ARMC3: variants seen among roughly 807,000 people sequenced by gnomAD.
The protein encoded by ARMC3 is armadillo repeat-containing protein 3.
Under a neutral mutation model 90.3 loss-of-function variants are expected in ARMC3, and 74 were observed. That is an observed-to-expected ratio of 0.82 (90% CI 0.68 to 0.99). The LOEUF is 0.99. Ranked by LOEUF, ARMC3 falls within the 50% of genes least tolerant of loss-of-function variation. ARMC3 has a pLI of 0.00. For synonymous variants in ARMC3, 334 were observed against 361.8 expected, an observed-to-expected ratio of 0.92 and a Z score of 0.87; for missense variants, 958 against 1,042.8, an observed-to-expected ratio of 0.92 and a Z score of 1.12.
intron 7 of ARMC3, among the ~76,000 whole-genome samples, chr10:22,963,914 CACACACACAAAAAAAAAAAA>C (rs1368688223): frequency 1.8e-3 from 55 of 30,708 alleles, no homozygotes; most frequent in African/African-American, 6.6e-3. Context: ...CACACACACA[CACACACACAAAAAAAAAAAA>C]AAAAAAAAAA....
At position 22,955,825 on chromosome 10, in the gene ARMC3, C is replaced by A. The variant is rs1246542870; in HGVS notation, c.185C>A (p.Thr62Asn). The A allele has an allele frequency of 1.2e-6, 2 of 1,613,740 alleles. No individual in the cohort carries two copies. Among genetic ancestry groups the A allele is most frequent in the South Asian group, 2.2e-5 (2 of 91,044 alleles). The change falls in exon 4 of 19, where the codon ACC (threonine) becomes AAC (asparagine). Residue 62 changes from threonine to asparagine, a missense_variant. Thr to Asn is a moderately conservative substitution (Grantham distance 65, BLOSUM62 0). Transcript: ENST00000298032. ...ATGTCAGGTGAGGAAAATAAAACAA[C>A]CCTCCTTGAACTTGGAGCTGTGGAA... Reference protein sequence around the residue: ...FALKGEENKTTLLELGAVEPL... With the variant: ...FALKGEENKTNLLELGAVEPL...
chr10:22,954,674 GAA>G (rs530210965), intron 3 of ARMC3, among the ~76,000 whole-genome samples: 5 of 89,048 alleles, frequency 5.6e-5, no homozygotes, highest in South Asian at 3.2e-4. Context: ...CCTGTCTCAA[GAA>G]AAAAAAAAAA....
intron 16 of ARMC3, among the ~76,000 whole-genome samples, chr10:23,020,139 GT>G (rs979275698): frequency 7.4e-6 from 1 of 134,262 alleles, no homozygotes; most frequent in East Asian, 1.9e-4. Context: ...GTTTTGTTTT[GT>G]TTTTTTGAGG....
intron 7 of ARMC3, among the ~76,000 whole-genome samples, chr10:22,966,484 C>T (rs1033925658): frequency 2.6e-5 from 4 of 152,144 alleles, no homozygotes; most frequent in African/African-American, 4.8e-5. Context: ...TAGTAGTCAG[C>T]CAGAGGTCTG....
chr10:23,033,293 G>A (rs1234791643), intron 18 of ARMC3, among the ~76,000 whole-genome samples: 2 of 151,944 alleles, frequency 1.3e-5, no homozygotes, highest in Non-Finnish European at 2.9e-5. Context: ...CACCTACTAT[G>A]GCGAGGGCCT....
chr10:22,968,168 C>A lies in ARMC3; in HGVS notation c.733-138C>A, dbSNP rs914682783. 5 of 699,508 alleles carry A rather than the reference C, an allele frequency of 7.1e-6. No individual in the cohort carries two copies. The Admixed American group carries it at 1.1e-4, about 15-fold the overall frequency. The allele number at this position is 699,508 out of a possible 1,614,324, so 43.3% of individuals were successfully genotyped here. On this transcript the variant is annotated intron_variant, in intron 7 of 18. Coordinates refer to ENST00000298032, the MANE Select transcript of ARMC3 (RefSeq NM_173081.5). Reference sequence around the variant, plus strand: ...AGTGATGTTACTTTGATAAGCAGAACTCCTATTCCCTGGGGCCTCTGTCAC... The same window carrying A: ...AGTGATGTTACTTTGATAAGCAGAAATCCTATTCCCTGGGGCCTCTGTCAC...
intron 10 of ARMC3, among the ~76,000 whole-genome samples, chr10:22,992,320 C>T (rs1417672001): frequency 6.6e-6 from 1 of 152,058 alleles, no homozygotes; most frequent in Admixed American, 6.5e-5. Flanking sequence ...AATGTCACCG[C>T]GGCTGCAACA....
rs956841784 is a variant in ARMC3, at chr10:23,002,059, A to C, written c.1562+4A>C. On this transcript the variant is annotated splice_donor_region_variant and intron_variant, in intron 12 of 18. Coordinates refer to ENST00000298032, the MANE Select transcript of ARMC3 (RefSeq NM_173081.5). Reference sequence around the variant, plus strand: ...CCAATGAATTATGCAGGCTCGGGTGAGTGGATGCCATCTCAAGTTTCTGGC... The same window carrying C: ...CCAATGAATTATGCAGGCTCGGGTGCGTGGATGCCATCTCAAGTTTCTGGC... The C allele has an allele frequency of 1.9e-6, 3 of 1,612,534 alleles. No homozygotes were observed. In the African/African-American group the frequency reaches 4.0e-5, roughly 22 times the overall value.
At chr10:22,992,495 T>C (rs1322501781) in intron 10 of ARMC3, among the ~76,000 whole-genome samples, 1 of 152,204 alleles carries the variant, frequency 6.6e-6, no homozygotes, top group Non-Finnish European at 1.5e-5. Flanking sequence ...TTTACTTTAA[T>C]TATGTTAATT....
chr10:23,031,318 A>G (rs556002936), intron 17 of ARMC3: 1 of 155,260 alleles, frequency 6.4e-6, no homozygotes, highest in East Asian at 1.9e-4. Context: ...TAAGCCAGTG[A>G]AGTCGTCTTC....
At chr10:22,998,690 C>T (rs552582471) in intron 11 of ARMC3, among the ~76,000 whole-genome samples, 127 of 152,198 alleles carry the variant, frequency 8.3e-4, no homozygotes, top group Non-Finnish European at 1.5e-3. Context: ...ATATCTAAAA[C>T]AAACAAATTG....
intron 2 of ARMC3, among the ~76,000 whole-genome samples, chr10:22,945,097 G>C (rs970937053): frequency 6.6e-6 from 1 of 152,154 alleles, no homozygotes; most frequent in African/African-American, 2.4e-5. Flanking sequence ...TATCCTGGCT[G>C]TGTCCTTTCA....
At chr10:22,949,994 A>G (rs534558381) in intron 3 of ARMC3, among the ~76,000 whole-genome samples, 1 of 152,158 alleles carries the variant, frequency 6.6e-6, no homozygotes, top group Non-Finnish European at 1.5e-5. Context: ...TTAAAAGAAT[A>G]AAAGAAAAAT....
intron 7 of ARMC3, among the ~76,000 whole-genome samples, chr10:22,964,633 G>T (rs1432850866): frequency 1.3e-5 from 2 of 151,486 alleles, no homozygotes; most frequent in African/African-American, 4.8e-5. Context: ...GGGGGGAGGG[G>T]TTTCACCATG....
At chr10:23,001,785 C>A in intron 11 of ARMC3, 134 bp from the exon 12 acceptor site, 2 of 1,135,918 alleles carry the variant, frequency 1.8e-6, no homozygotes, top group Non-Finnish European at 1.2e-6. Context: ...TTTAATAAAC[C>A]TAAAGATAGA....
chr10:22,937,586 T>C lies in ARMC3; in HGVS notation c.48+5542T>C, dbSNP rs548229335. Among the ~76,000 whole-genome samples the C allele has an allele frequency of 9.9e-5, 15 of 152,184 alleles. No individual in the cohort carries two copies. The East Asian group carries it at 2.7e-3, about 27-fold the overall frequency. On this transcript the variant is annotated intron_variant, in intron 2 of 18. Coordinates refer to ENST00000298032, the MANE Select transcript of ARMC3 (RefSeq NM_173081.5). ...GGGCAATCAAGGAACCTTATGAAGG[T>C]AGGTTGGGATCTGTGGAAACTCCTC...
intron 16 of ARMC3, among the ~76,000 whole-genome samples, chr10:23,027,521 G>GT (rs887140518): frequency 7.9e-5 from 12 of 152,210 alleles, no homozygotes; most frequent in African/African-American, 2.6e-4. Context: ...ATTTATAGTA[G>GT]TTTTTTTGGA....
In ARMC3 at chr10:22,935,853, T is replaced by A. The variant is rs1244004295; in HGVS notation, c.48+3809T>A. 2.0e-5 allele frequency among the ~76,000 whole-genome samples: 3 copies of A among 152,206 alleles called. No homozygotes were observed. In the East Asian group the frequency reaches 5.8e-4, roughly 29 times the overall value. ...ACATTTTAGCAAATTTTTCCGGATG[T>A]CTAGATATTCTCTATTGAAAGTTCC... On this transcript the variant is annotated intron_variant, in intron 2 of 18. Transcript: ENST00000298032.
chr10:23,016,102 AG>A (rs1298476699), intron 16 of ARMC3, among the ~76,000 whole-genome samples: 1 of 152,226 alleles, frequency 6.6e-6, no homozygotes, highest in African/African-American at 2.4e-5. Flanking sequence ...TGGGTGGAAT[AG>A]GACACCCAAT....
Sources: gnomAD v4.1 joint callset for allele counts (sites outside exome capture counted in the v4.1 genomes callset) on GRCh38, gnomAD v4.1.1 for gene constraint, MANE v1.5 for transcripts, NCBI Gene and HGNC (gene_info 2026-07-23, HGNC 2026-07-21) for gene names.